DNAJC16: variants seen among roughly 807,000 people sequenced by gnomAD.
DNAJC16 encodes dnaJ homolog subfamily C member 16.
In DNAJC16, 76 loss-of-function variants were observed where a neutral mutation model predicts 92.7. The observed-to-expected ratio is 0.82, with a 90% CI of 0.68 to 0.99. The LOEUF (loss-of-function observed/expected upper bound fraction) is 0.99. Among genes scored for constraint, DNAJC16 ranks in the 50% least tolerant of loss-of-function variants. The pLI is 0.00. For synonymous variants in DNAJC16, 328 were observed against 358.7 expected, an observed-to-expected ratio of 0.91 and a Z score of 0.97; for missense variants, 869 against 942.4, an observed-to-expected ratio of 0.92 and a Z score of 1.02.
Position 15,536,511 on chromosome 1 carries a change from C to G in DNAJC16, c.271C>G (p.Gln91Glu). Residue 91 changes from glutamine (Q) to glutamate (E), a missense_variant, in exon 4 of 15, where the codon CAA becomes GAA. Transcript: ENST00000375847. ...SNEEKRSNYD[Q>E]YGDAGENQGY... is the part of the protein sequence containing the mutation. Reference sequence around the variant, plus strand: ...TGAAGAAAAGAGATCAAATTATGATCAATATGGAGACGCTGGAGAGAACCA... The same window carrying G: ...TGAAGAAAAGAGATCAAATTATGATGAATATGGAGACGCTGGAGAGAACCA... 1 of 1,609,076 alleles carries G rather than the reference C, an allele frequency of 6.2e-7. No individual in the cohort carries two copies. Among genetic ancestry groups the G allele is most frequent in the Non-Finnish European group, 8.5e-7 (1 of 1,178,356 alleles).
At chr1:15,535,522 A>G (rs1327797383) in intron 3 of DNAJC16, among the ~76,000 whole-genome samples, 15 of 152,318 alleles carry the variant, frequency 9.8e-5, no homozygotes, top group African/African-American at 3.6e-4. Context: ...AGGCTGAGGC[A>G]TGCAGATCGC....
chr1:15,550,450 A>T (rs1638419649), intron 7 of DNAJC16, among the ~76,000 whole-genome samples: 1 of 152,226 alleles, frequency 6.6e-6, no homozygotes, highest in African/African-American at 2.4e-5. Context: ...TAGTAGCACC[A>T]GTGGTTTCCT....
At chr1:15,541,907 C>G (rs1329663830) in intron 4 of DNAJC16, among the ~76,000 whole-genome samples, 1 of 152,132 alleles carries the variant, frequency 6.6e-6, no homozygotes, top group Non-Finnish European at 1.5e-5. Flanking sequence ...CTTTTGCTCT[C>G]GTATTTGATC....
In DNAJC16 at chr1:15,567,663, C is replaced by T. The variant is rs909926970; in HGVS notation, c.1950-115C>T. 11 of 1,166,716 alleles carry T rather than the reference C, an allele frequency of 9.4e-6. No homozygotes were observed. The African/African-American group carries it at 1.7e-4, about 18-fold the overall frequency. 72.3% of individuals were successfully genotyped at this position (1,166,716 alleles called of 1,614,324 possible). A position where few individuals can be genotyped will look rare whatever the true frequency, so the allele number is the denominator to read the frequency against. ...GCCTTCTTTTTCTCTGTGTTCAGGCCCCATCCAACACAAAGCGTTTTCCTA... is the reference window on the plus strand; with the variant it reads ...GCCTTCTTTTTCTCTGTGTTCAGGCTCCATCCAACACAAAGCGTTTTCCTA... On this transcript the variant is annotated intron_variant, in intron 14 of 14. Coordinates refer to ENST00000375847, the MANE Select transcript of DNAJC16 (RefSeq NM_015291.4).
At chr1:15,547,095 A>G (rs1044016172) in intron 6 of DNAJC16, among the ~76,000 whole-genome samples, 10 of 151,656 alleles carry the variant, frequency 6.6e-5, no homozygotes, top group African/African-American at 2.4e-4. Flanking sequence ...TTCTATGCAC[A>G]TATCATGTAA....
intron 7 of DNAJC16, among the ~76,000 whole-genome samples, chr1:15,555,874 C>A (rs1234400268): frequency 6.6e-6 from 1 of 151,406 alleles, no homozygotes; most frequent in Non-Finnish European, 1.5e-5. Flanking sequence ...GCCTATAATC[C>A]CAGCTACTCA....
chr1:15,567,174 G>T lies in DNAJC16; in HGVS notation c.1854G>T (p.Leu618=). Residue 618 remains leucine, a synonymous_variant, in exon 14 of 15, where the codon CTG becomes CTT. Coordinates refer to ENST00000375847, the MANE Select transcript of DNAJC16 (RefSeq NM_015291.4). Reference sequence around the variant, plus strand: ...CATACACCAGTAACTTGGTACGTCTGAGGCCAGGCCACATGAATGTGGTCC... The same window carrying T: ...CATACACCAGTAACTTGGTACGTCTTAGGCCAGGCCACATGAATGTGGTCC... ...DVTYTSNLVR[L]RPGHMNVVLI... 6.2e-7 allele frequency: 1 copy of T among 1,614,148 alleles called. No individual in the cohort carries two copies. The highest frequency in any genetic ancestry group is 2.2e-5 in the East Asian group (1 of 44,892).
intron 14 of DNAJC16, 40 bp from the exon 15 acceptor site, chr1:15,567,738 C>CA: frequency 6.4e-7 from 1 of 1,566,528 alleles, no homozygotes. Flanking sequence ...TTAAATGTGT[C>CA]AGGAAATGCC....
At chr1:15,559,919 C>A (rs569798732) in intron 8 of DNAJC16, among the ~76,000 whole-genome samples, 1 of 151,876 alleles carries the variant, frequency 6.6e-6, no homozygotes, top group Non-Finnish European at 1.5e-5. Context: ...CAAAATTAGC[C>A]GGGCATGGTG....
chr1:15,565,777 G>A (rs999157914), intron 11 of DNAJC16, 142 bp from the exon 12 acceptor site: 16 of 778,116 alleles, frequency 2.1e-5, no homozygotes, highest in Non-Finnish European at 3.0e-5. Flanking sequence ...ACCTCCACCC[G>A]CCAAGAAAAG....
chr1:15,557,483 A>G (rs1280374568), intron 7 of DNAJC16, among the ~76,000 whole-genome samples: 2 of 152,008 alleles, frequency 1.3e-5, no homozygotes, highest in Non-Finnish European at 2.9e-5. Flanking sequence ...TCTTCTTCTT[A>G]TATTAATATA....
At chr1:15,552,836 C>T (rs1174712695) in intron 7 of DNAJC16, among the ~76,000 whole-genome samples, 17 of 148,670 alleles carry the variant, frequency 1.1e-4, no homozygotes, top group African/African-American at 3.7e-4. Flanking sequence ...GGTGAGATCT[C>T]GACTCACTGC....
chr1:15,559,698 A>G (rs1446921081), intron 8 of DNAJC16, 42 bp downstream of exon 8: 1 of 1,604,174 alleles, frequency 6.2e-7, no homozygotes, highest in Non-Finnish European at 8.5e-7. Context: ...ATTACAATAG[A>G]AGGATCATGA....
Position 15,531,325 on chromosome 1 carries a change from TA to T in DNAJC16, c.167+2054del, listed in dbSNP as rs373616612. ...ATAAAGGTAAAGATCATTGAAAATATATTTTTAAAATAAATGTTTTAGACCA... is the reference window on the plus strand; with the variant it reads ...ATAAAGGTAAAGATCATTGAAAATATTTTTTAAAATAAATGTTTTAGACCA... On this transcript the variant is annotated intron_variant, in intron 2 of 14. Transcript: ENST00000375847. 9.9e-4 allele frequency among the ~76,000 whole-genome samples: 151 copies of T among 152,348 alleles called. 1 individual carries two copies. In the East Asian group the frequency reaches 0.019, roughly 19 times the overall value.
Position 15,544,542 on chromosome 1 carries a change from C to T in DNAJC16, c.718C>T (p.Gln240Ter), listed in dbSNP as rs746908478. 1.2e-6 allele frequency: 2 copies of T among 1,614,140 alleles called. No homozygotes were observed. Among genetic ancestry groups the T allele is most frequent in the South Asian group, 2.2e-5 (2 of 91,082 alleles). Residue 240 changes from glutamine (Q) to a stop codon, truncating the protein, a stop_gained, in exon 5 of 15, where the codon CAA becomes TAA. Transcript: ENST00000375847. LOFTEE classifies it high-confidence loss of function. ...HNAVVRENLR[Q>*]FVESLLPGNL... Reference sequence around the variant, plus strand: ...TGCAGTTGTCCGTGAAAATCTGCGACAATTTGTAGAAAGTCTTCTTCCAGG... The same window carrying T: ...TGCAGTTGTCCGTGAAAATCTGCGATAATTTGTAGAAAGTCTTCTTCCAGG...
chr1:15,555,074 T>C (rs543004430), intron 7 of DNAJC16, among the ~76,000 whole-genome samples: 1 of 149,296 alleles, frequency 6.7e-6, no homozygotes, highest in Admixed American at 6.7e-5. Context: ...GCAGAAAAAA[T>C]TTTTTTAAAA....
rs868310592 is a variant in DNAJC16, at chr1:15,529,167, A to C, written c.62A>C (p.Gln21Pro). Residue 21 changes from glutamine (Q) to proline (P), a missense_variant, in exon 2 of 15, where the codon CAA becomes CCA. By Grantham distance (76) the Gln-to-Pro change is moderately conservative (BLOSUM62 -1). Transcript: ENST00000375847. ...TTGATAGTTCTGGTTCTGATCCTGC[A>C]AATTCTGTCTGCGTTGGATTTTGAC... is the stretch of plus-strand genomic sequence containing the variant. ...QFLIVLVLIL[Q>P]ILSALDFDPY... 3.1e-6 allele frequency: 5 copies of C among 1,614,128 alleles called. No individual in the cohort carries two copies. Among genetic ancestry groups the C allele is most frequent in the Middle Eastern group, 3.3e-4 (2 of 6,056 alleles).
At chr1:15,534,162 CTG>C in intron 2 of DNAJC16, 73 bp from the exon 3 acceptor site, 1 of 1,513,194 alleles carries the variant, frequency 6.6e-7, no homozygotes, top group East Asian at 2.3e-5. Context: ...GTAGTGAACT[CTG>C]TGGACAAGGA....
At chr1:15,544,905 TAGAA>T (rs1487168131) in intron 5 of DNAJC16, among the ~76,000 whole-genome samples, 2 of 151,932 alleles carry the variant, frequency 1.3e-5, no homozygotes, top group South Asian at 2.1e-4. Context: ...AATCACATGT[TAGAA>T]AGAATTAGGG....
Sources: gnomAD v4.1 joint callset for allele counts (sites outside exome capture counted in the v4.1 genomes callset) on GRCh38, gnomAD v4.1.1 for gene constraint, MANE v1.5 for transcripts, NCBI Gene and HGNC (gene_info 2026-07-23, HGNC 2026-07-21) for gene names.